The following KLF12 variants were observed in gnomAD, a reference collection of about 807,000 sequenced individuals.
KLF12 encodes the protein Krueppel-like factor 12.
A neutral mutation model predicts 37.8 loss-of-function variants in KLF12; 9 were observed. The ratio of observed to expected loss-of-function variants is 0.24; its 90% CI spans 0.14 to 0.42. KLF12 has a LOEUF of 0.42. Ranked by LOEUF, KLF12 falls within the 10% of genes least tolerant of loss-of-function variation. The pLI is 1.00. For missense variants in KLF12, 411 were observed against 516.0 expected (o/e 0.80, Z 1.97); for synonymous variants, 208 against 202.1 (o/e 1.03, Z -0.25).
chr13:73,842,555 G>A lies in KLF12; in HGVS notation c.670+3272C>T, dbSNP rs527709323. 4.6e-5 allele frequency among the ~76,000 whole-genome samples: 7 copies of A among 152,282 alleles called. No homozygotes were observed. In the East Asian group the frequency reaches 5.8e-4, roughly 13 times the overall value. ...ACTGACAGGACATGTGAGCTTAGAC[G>A]GATATGCGCATTCACAGTCCTTCAC... is the stretch of plus-strand genomic sequence containing the variant. On this transcript the variant is annotated intron_variant, in intron 4 of 7. Coordinates refer to ENST00000377669, the MANE Select transcript of KLF12 (RefSeq NM_007249.5).
At chr13:74,052,528 A>T (rs1872988958) in intron 1 of KLF12, among the ~76,000 whole-genome samples, 1 of 152,116 alleles carries the variant, frequency 6.6e-6, no homozygotes, top group African/African-American at 2.4e-5. Flanking sequence ...TCAAGTTACT[A>T]GGCAGGGAGG....
chr13:73,974,656 G>T (rs889539832), intron 2 of KLF12, among the ~76,000 whole-genome samples: 3 of 152,162 alleles, frequency 2.0e-5, no homozygotes, highest in African/African-American at 7.2e-5. Context: ...GAGAAAAAGT[G>T]TGATCCGATT....
chr13:73,825,078 AAAC>A (rs1351542022), intron 4 of KLF12, among the ~76,000 whole-genome samples: 2 of 144,514 alleles, frequency 1.4e-5, no homozygotes, highest in Non-Finnish European at 3.1e-5. Context: ...TCAAAAAAAA[AAAC>A]AATAGAAATA....
chr13:74,104,082 C>T (rs1003581896), intron 1 of KLF12, among the ~76,000 whole-genome samples: 1 of 152,164 alleles, frequency 6.6e-6, no homozygotes. Context: ...CACACAAACA[C>T]ACATCCCATG....
intron 1 of KLF12, among the ~76,000 whole-genome samples, chr13:74,049,042 G>A (rs1274318164): frequency 6.6e-6 from 1 of 152,148 alleles, no homozygotes; most frequent in African/African-American, 2.4e-5. Context: ...CTAAAATGAG[G>A]AAGACTGATT....
chr13:74,291,011 T>C, the KLF12 span, among the ~76,000 whole-genome samples: 789 of 152,354 alleles, frequency 5.2e-3, 6 homozygotes, highest in Middle Eastern at 0.031. Context: ...CTTATTCCAC[T>C]TATTCTACAA....
intron 2 of KLF12, among the ~76,000 whole-genome samples, chr13:73,950,609 C>A (rs1890609099): frequency 6.6e-6 from 1 of 152,108 alleles, no homozygotes; most frequent in African/African-American, 2.4e-5. Context: ...AGTCATGAAC[C>A]ATGGATAAGA....
chr13:73,941,847 G>GA (rs540535250), intron 3 of KLF12, among the ~76,000 whole-genome samples: 16 of 147,306 alleles, frequency 1.1e-4, no homozygotes, highest in Non-Finnish European at 1.7e-4. Context: ...AAACCCAAAG[G>GA]AAAAAAAAAA....
At chr13:74,168,421 T>C in the KLF12 span, among the ~76,000 whole-genome samples, 1 of 152,230 alleles carries the variant, frequency 6.6e-6, no homozygotes, top group East Asian at 1.9e-4. Flanking sequence ...TTTACTTGCG[T>C]GTGCCTAACA....
the KLF12 span, among the ~76,000 whole-genome samples, chr13:74,297,304 A>G: frequency 5.3e-5 from 8 of 152,174 alleles, no homozygotes; most frequent in African/African-American, 1.9e-4. Context: ...AGGTGAGAAA[A>G]TAGTGTTTTA....
At chr13:73,930,273 A>T (rs568567538) in intron 3 of KLF12, among the ~76,000 whole-genome samples, 36 of 152,332 alleles carry the variant, frequency 2.4e-4, no homozygotes, top group African/African-American at 8.7e-4. Flanking sequence ...CATTTTTTTA[A>T]AAAACGCAAA....
intron 3 of KLF12, among the ~76,000 whole-genome samples, chr13:73,934,272 G>T (rs752490123): frequency 6.6e-6 from 1 of 151,998 alleles, no homozygotes; most frequent in Non-Finnish European, 1.5e-5. Context: ...TATCACTTAC[G>T]ACTTACTGAC....
chr13:74,016,659 T>C (rs1189073903), intron 1 of KLF12, among the ~76,000 whole-genome samples: 1 of 152,160 alleles, frequency 6.6e-6, no homozygotes, highest in African/African-American at 2.4e-5. Context: ...CACCATGCCC[T>C]GCCTCTCATG....
intron 1 of KLF12, among the ~76,000 whole-genome samples, chr13:74,075,579 A>G (rs1874515710): frequency 6.6e-6 from 1 of 152,252 alleles, no homozygotes; most frequent in Non-Finnish European, 1.5e-5. Context: ...ACTGATCATT[A>G]AACAATGCTA....
At chr13:74,274,519 C>T in the KLF12 span, among the ~76,000 whole-genome samples, 9 of 152,014 alleles carry the variant, frequency 5.9e-5, no homozygotes, top group Middle Eastern at 3.2e-3. Flanking sequence ...TATTTTTATT[C>T]ATATTGCCAA....
At chr13:74,258,438 T>C in the KLF12 span, 4 of 152,166 alleles carry the variant, frequency 2.6e-5, no homozygotes, top group Non-Finnish European at 5.9e-5. Flanking sequence ...TGTTGAAATG[T>C]CCTGACTTTA....
intron 4 of KLF12, among the ~76,000 whole-genome samples, chr13:73,823,176 A>C (rs1883630536): frequency 6.6e-6 from 1 of 152,114 alleles, no homozygotes; most frequent in Non-Finnish European, 1.5e-5. Flanking sequence ...ACTGAGTAAA[A>C]TGGAATCTTT....
At chr13:74,110,169 G>A (rs185956089) in intron 1 of KLF12, among the ~76,000 whole-genome samples, 5 of 152,064 alleles carry the variant, frequency 3.3e-5, no homozygotes, top group African/African-American at 4.8e-5. Context: ...ATTTCTGTAC[G>A]CTAAATTGGC....
In KLF12 at chr13:73,784,997, G is replaced by A. The variant is rs116179801; in HGVS notation, c.807-19997C>T. Among the ~76,000 whole-genome samples the A allele has an allele frequency of 6.4e-3, 977 of 151,928 alleles. 10 individuals carry two copies. The highest frequency in any genetic ancestry group is 0.023 in the African/African-American group (935 of 41,432). Reference sequence around the variant, plus strand: ...CCCTGTCTGCACAGACATTCATGAAGGTACATCATGCTGGTGTCTCCCAAA... The same window carrying A: ...CCCTGTCTGCACAGACATTCATGAAAGTACATCATGCTGGTGTCTCCCAAA... On this transcript the variant is annotated intron_variant, in intron 5 of 7. Transcript: ENST00000377669.
Sources: gnomAD v4.1 joint callset for allele counts (sites outside exome capture counted in the v4.1 genomes callset) on GRCh38, gnomAD v4.1.1 for gene constraint, MANE v1.5 for transcripts, NCBI Gene and HGNC (gene_info 2026-07-23, HGNC 2026-07-21) for gene names.